The following GPALPP1 variants were observed in gnomAD, a reference collection of about 807,000 sequenced individuals.
GPALPP1 encodes the protein GPALPP motifs containing 1.
Under a neutral mutation model 38.9 loss-of-function variants are expected in GPALPP1, and 30 were observed. The ratio of observed to expected loss-of-function variants is 0.77; its 90% CI spans 0.58 to 1.05. The LOEUF (loss-of-function observed/expected upper bound fraction) is 1.05. Among genes scored for constraint, GPALPP1 ranks in the 50% least tolerant of loss-of-function variants. The probability of loss-of-function intolerance (pLI) is 0.00; values close to 1 mark genes in which losing one functional copy is unlikely to be tolerated. For missense variants in GPALPP1, 384 were observed against 408.8 expected (o/e 0.94, Z 0.52); for synonymous variants, 120 against 139.2 (o/e 0.86, Z 0.97).
At chr13:45,002,892 T>C (rs1257489491) in intron 1 of GPALPP1, among the ~76,000 whole-genome samples, 1 of 152,220 alleles carries the variant, frequency 6.6e-6, no homozygotes, top group African/African-American at 2.4e-5. Flanking sequence ...TCCATTCAAA[T>C]GTCTTTTTCT....
chr13:45,014,973 G>C lies in GPALPP1; in HGVS notation c.430G>C (p.Glu144Gln). 6.2e-7 allele frequency: 1 copy of C among 1,603,558 alleles called. No individual in the cohort carries two copies. Among genetic ancestry groups the C allele is most frequent in the Non-Finnish European group, 8.5e-7 (1 of 1,174,164 alleles). The change falls in exon 5 of 8, where the codon GAG becomes CAG. Residue 144 changes from glutamate (E) to glutamine (Q), a missense_variant. Glu to Gln is a conservative substitution (Grantham distance 29). Transcript: ENST00000379151. The part of the protein sequence containing the change: ...GQQETDSSED[E>Q]DIIGPMPAKG... The stretch of plus-strand genomic sequence containing the variant: ...AAAGGAAACAGACAGCAGTGAAGAT[G>C]AGGATATTATTGGACCAATGCCTGC...
chr13:45,013,144 C>T (rs1173772900), intron 4 of GPALPP1, among the ~76,000 whole-genome samples: 2 of 152,046 alleles, frequency 1.3e-5, no homozygotes, highest in East Asian at 3.9e-4. Flanking sequence ...TAAGATCATC[C>T]CAGGCTTGAT....
At chr13:45,012,202 C>T (rs1452876582) in intron 4 of GPALPP1, among the ~76,000 whole-genome samples, 1 of 152,110 alleles carries the variant, frequency 6.6e-6, no homozygotes, top group Non-Finnish European at 1.5e-5. Context: ...CAAAGTTCTG[C>T]TCTGTCTGTA....
intron 1 of GPALPP1, among the ~76,000 whole-genome samples, chr13:44,992,391 T>C (rs1159714894): frequency 6.6e-6 from 1 of 152,208 alleles, no homozygotes; most frequent in Non-Finnish European, 1.5e-5. Flanking sequence ...CAGATAGGTG[T>C]ATCAGAAATA....
rs543697222 is a variant in GPALPP1 at position 45,027,999 on chromosome 13, T to A, written c.1019T>A (p.Leu340Ter). The change falls in exon 8 of 8, where the codon TTA (leucine) becomes TAA (stop). Residue 340 changes from leucine to a stop codon, truncating the protein, a stop_gained. Transcript: ENST00000379151. LOFTEE classifies it high-confidence loss of function. ...RFSHGKGNMF[L>*] is the part of the protein sequence containing the mutation. ...TCACACGGCAAAGGCAATATGTTTT[T>A]ATAAGTAAGTATATTTCAGTGAGGT... The A allele has an allele frequency of 2.6e-6, 4 of 1,514,068 alleles. No homozygotes were observed. In the South Asian group the frequency reaches 4.5e-5, roughly 17 times the overall value. 93.8% of individuals were successfully genotyped at this position (1,514,068 alleles called of 1,614,324 possible). A position where few individuals can be genotyped will look rare whatever the true frequency, so the allele number is the denominator to read the frequency against.
chr13:44,989,690 C>T lies in GPALPP1; in HGVS notation c.36C>T (p.Pro12=), dbSNP rs1484266106. 3 of 1,612,194 alleles carry T rather than the reference C, an allele frequency of 1.9e-6. No individual in the cohort carries two copies. The highest frequency in any genetic ancestry group is 1.6e-4 in the Middle Eastern group (1 of 6,084). ...ARDLIGPALP[P]GFKARGTAED... ...ACCTGATCGGACCGGCCCTGCCGCC[C>T]GGCTTCAAGGCCCGCGGAACAGCGG... is the stretch of plus-strand genomic sequence containing the variant. The change falls in exon 1 of 8, where the codon CCC becomes CCT. Residue 12 remains proline, a synonymous_variant. Coordinates refer to ENST00000379151, the MANE Select transcript of GPALPP1 (RefSeq NM_018559.5).
chr13:45,019,879 A>T (rs1171051201), intron 6 of GPALPP1, among the ~76,000 whole-genome samples: 100 of 85,554 alleles, frequency 1.2e-3, no homozygotes, highest in Admixed American at 1.7e-3. Context: ...TAATATTTTG[A>T]TTTTTTTTTT....
intron 1 of GPALPP1, among the ~76,000 whole-genome samples, chr13:44,996,354 C>CAA (rs772383338): frequency 1.6e-5 from 2 of 125,822 alleles, no homozygotes; most frequent in African/African-American, 2.9e-5. Flanking sequence ...GACCTTGTCG[C>CAA]AAAAAAAAAA....
chr13:44,991,787 A>G (rs371223951), intron 1 of GPALPP1, among the ~76,000 whole-genome samples: 15 of 152,228 alleles, frequency 9.9e-5, no homozygotes, highest in Admixed American at 7.2e-4. Flanking sequence ...TCCTTGATTT[A>G]TAGCATCACA....
intron 1 of GPALPP1, 67 bp downstream of exon 1, chr13:44,989,809 T>C (rs1872646819): frequency 7.8e-7 from 1 of 1,290,110 alleles, no homozygotes; most frequent in Non-Finnish European, 1.1e-6. Context: ...CCCTGCTCGC[T>C]GAAGAAAGTC....
intron 4 of GPALPP1, among the ~76,000 whole-genome samples, chr13:45,011,550 A>T (rs936525088): frequency 9.2e-5 from 14 of 152,278 alleles, no homozygotes; most frequent in African/African-American, 3.4e-4. Flanking sequence ...CGAAGGGGGA[A>T]GCCCCTGATG....
chr13:45,023,051 CT>C (rs959393717), intron 7 of GPALPP1, among the ~76,000 whole-genome samples: 1 of 151,074 alleles, frequency 6.6e-6, no homozygotes, highest in Non-Finnish European at 1.5e-5. Context: ...CTCTAAAAAA[CT>C]TTTTTTTAAT....
chr13:44,990,507 T>G (rs1872716833), intron 1 of GPALPP1: 1 of 152,380 alleles, frequency 6.6e-6, no homozygotes, highest in African/African-American at 2.4e-5. Flanking sequence ...TTGAATAATT[T>G]GTCGACATAA....
At chr13:44,991,574 A>C (rs1872810873) in intron 1 of GPALPP1, among the ~76,000 whole-genome samples, 1 of 152,244 alleles carries the variant, frequency 6.6e-6, no homozygotes, top group Non-Finnish European at 1.5e-5. Context: ...CATTCCCTTC[A>C]TAACCGCCTA....
intron 1 of GPALPP1, among the ~76,000 whole-genome samples, chr13:44,991,519 A>C (rs866454827): frequency 2.0e-4 from 31 of 152,342 alleles, no homozygotes; most frequent in South Asian, 1.0e-3. Context: ...AATATCTTAC[A>C]CGTAGTGTGT....
At position 45,019,052 on chromosome 13, in the gene GPALPP1, T is replaced by G. The variant is rs1228787659; in HGVS notation, c.706-1278T>G. Among the ~76,000 whole-genome samples, 3 of 48,364 alleles carry G rather than the reference T, an allele frequency of 6.2e-5. 1 individual carries two copies. Among genetic ancestry groups the G allele is most frequent in the Non-Finnish European group, 1.6e-4 (3 of 19,292 alleles). 31.7% of individuals were successfully genotyped at this position (48,364 alleles called of 152,430 possible). A position where few individuals can be genotyped will look rare whatever the true frequency, so the allele number is the denominator to read the frequency against. On this transcript the variant is annotated intron_variant, in intron 6 of 7. Transcript: ENST00000379151. ...ATATATACATAGAAATATATAAATA[T>G]AAATATATACATATAAATATATACA...
At chr13:45,027,344 C>T (rs1446473653) in intron 7 of GPALPP1, among the ~76,000 whole-genome samples, 1 of 152,096 alleles carries the variant, frequency 6.6e-6, no homozygotes, top group Admixed American at 6.6e-5. Context: ...CGACAGAAAA[C>T]TGAAAGGAAC....
At chr13:45,020,308 G>A (rs1396632393) in intron 6 of GPALPP1, 22 bp from the exon 7 acceptor site, 3 of 880,088 alleles carry the variant, frequency 3.4e-6, no homozygotes, top group Admixed American at 3.6e-5. Context: ...TCAGTAATGT[G>A]TTATCTGTGT....
chr13:45,024,192 TGTGTGTGTGTGTGTG>T (rs1875642581), intron 7 of GPALPP1, among the ~76,000 whole-genome samples: 1 of 130,714 alleles, frequency 7.7e-6, no homozygotes, highest in Non-Finnish European at 1.6e-5. Context: ...TGTGTGTGTG[TGTGTGTGTGTGTGTG>T]TTTTGAGACT....
Sources: allele counts gnomAD v4.1 joint callset (sites outside exome capture counted in the v4.1 genomes callset), GRCh38; gene constraint gnomAD v4.1.1; transcripts MANE v1.5; gene names NCBI Gene and HGNC (gene_info 2026-07-23, HGNC 2026-07-21).